ERBB4: variants seen among roughly 807,000 people sequenced by gnomAD.
The protein encoded by ERBB4 is erb-b2 receptor tyrosine kinase 4.
In ERBB4, 42 loss-of-function variants were observed where a neutral mutation model predicts 158.0. That is an observed-to-expected ratio of 0.27 (90% CI 0.21 to 0.34). The LOEUF (loss-of-function observed/expected upper bound fraction) is 0.34. ERBB4 is among the 10% of genes least tolerant of loss of function. The pLI, the probability that ERBB4 is intolerant of heterozygous loss-of-function variation, is 1.00. For synonymous variants in ERBB4, 583 were observed against 558.7 expected (o/e 1.04, Z -0.61); for missense variants, 1,333 against 1,624.1 (o/e 0.82, Z 3.08).
rs1335942000 is a variant in ERBB4 at position 211,940,939 on chromosome 2, CA to C, written c.421+6490del. ...TCCCAGCAAAATTTGCTGAAATGGC[CA>C]TTATAATCTCTGATCCCTTAATTAT... On this transcript the variant is annotated intron_variant, in intron 3 of 27. Coordinates refer to ENST00000342788, the MANE Select transcript of ERBB4 (RefSeq NM_005235.3). 5.3e-5 allele frequency among the ~76,000 whole-genome samples: 8 copies of C among 152,236 alleles called. No homozygotes were observed. In the East Asian group the frequency reaches 1.4e-3, roughly 26 times the overall value.
At chr2:212,428,996 G>A (rs1032242127) in intron 1 of ERBB4, among the ~76,000 whole-genome samples, 4 of 152,132 alleles carry the variant, frequency 2.6e-5, no homozygotes, top group Non-Finnish European at 4.4e-5. Flanking sequence ...ATAATTTAAA[G>A]AATGTTAATA....
intron 2 of ERBB4, among the ~76,000 whole-genome samples, chr2:211,964,105 TGGGAAGG>T (rs910228789): frequency 1.3e-5 from 2 of 152,132 alleles, no homozygotes; most frequent in Non-Finnish European, 2.9e-5. Flanking sequence ...ACCTTTCTCT[TGGGAAGG>T]GATTTATCAA....
intron 1 of ERBB4, among the ~76,000 whole-genome samples, chr2:212,316,659 G>T (rs547884618): frequency 6.6e-6 from 1 of 151,590 alleles, no homozygotes; most frequent in South Asian, 2.1e-4. Flanking sequence ...GAGCGAAATT[G>T]CTTGTTTAGA....
intron 18 of ERBB4, among the ~76,000 whole-genome samples, chr2:211,620,807 C>G (rs1387409846): frequency 6.6e-6 from 1 of 151,928 alleles, no homozygotes; most frequent in African/African-American, 2.4e-5. Flanking sequence ...TAAAGTATCC[C>G]TAAAGTGTAG....
At chr2:212,170,662 C>T (rs1220555113) in intron 1 of ERBB4, among the ~76,000 whole-genome samples, 1 of 152,096 alleles carries the variant, frequency 6.6e-6, no homozygotes, top group Non-Finnish European at 1.5e-5. Flanking sequence ...GCCCTGTGTC[C>T]CAGCTATGGT....
At chr2:212,286,821 C>T (rs1341716058) in intron 1 of ERBB4, among the ~76,000 whole-genome samples, 2 of 133,728 alleles carry the variant, frequency 1.5e-5, no homozygotes, top group Non-Finnish European at 3.1e-5. Flanking sequence ...ATGTTGCCCA[C>T]GCTGTTCCCC....
Position 211,605,809 on chromosome 2 carries a change from A to C in ERBB4, c.2301+13368T>G, listed in dbSNP as rs573695737. 7.2e-5 allele frequency among the ~76,000 whole-genome samples: 11 copies of C among 152,200 alleles called. No homozygotes were observed. In the East Asian group the frequency reaches 1.9e-3, roughly 27 times the overall value. On this transcript the variant is annotated intron_variant, in intron 19 of 27. Transcript: ENST00000342788. ...GAATCATTTTTTTAACATCCTAAACAACCTAGGAGCAGTTACTTATTAATT... is the reference window on the plus strand; with the variant it reads ...GAATCATTTTTTTAACATCCTAAACCACCTAGGAGCAGTTACTTATTAATT...
intron 2 of ERBB4, among the ~76,000 whole-genome samples, chr2:212,025,971 T>C (rs1256171458): frequency 6.6e-6 from 1 of 151,700 alleles, no homozygotes. Flanking sequence ...TTTGTCAGAG[T>C]GGGATGAGAG....
intron 1 of ERBB4, among the ~76,000 whole-genome samples, chr2:212,174,298 G>T (rs963924717): frequency 4.2e-4 from 64 of 151,998 alleles, no homozygotes; most frequent in Non-Finnish European, 1.6e-4. Context: ...TTAAATATGT[G>T]CAGTCATCAA....
At chr2:212,397,317 A>T (rs1040019644) in intron 1 of ERBB4, among the ~76,000 whole-genome samples, 1 of 152,032 alleles carries the variant, frequency 6.6e-6, no homozygotes, top group Non-Finnish European at 1.5e-5. Context: ...TCTACAAAAA[A>T]TACAAAACAG....
chr2:211,966,892 T>C (rs2081324857), intron 2 of ERBB4, among the ~76,000 whole-genome samples: 1 of 152,158 alleles, frequency 6.6e-6, no homozygotes, highest in Admixed American at 6.6e-5. Flanking sequence ...TATAATTTTA[T>C]CTACTTCACA....
At chr2:211,401,330 C>T (rs570516816) in intron 25 of ERBB4, among the ~76,000 whole-genome samples, 9 of 151,798 alleles carry the variant, frequency 5.9e-5, no homozygotes, top group South Asian at 4.2e-4. Context: ...GTCAATGGAA[C>T]GCAAACATTA....
intron 9 of ERBB4, among the ~76,000 whole-genome samples, chr2:211,709,782 A>G (rs1253903053): frequency 1.3e-5 from 2 of 152,250 alleles, no homozygotes; most frequent in Admixed American, 6.5e-5. Flanking sequence ...TGTTGCTCCA[A>G]TTTCACTTGA....
chr2:212,054,789 G>A (rs1424551729), intron 2 of ERBB4, among the ~76,000 whole-genome samples: 1 of 152,162 alleles, frequency 6.6e-6, no homozygotes, highest in East Asian at 1.9e-4. Context: ...TATTACCTTA[G>A]AATAAGGATG....
chr2:212,056,737 T>G (rs1450725077), intron 2 of ERBB4, among the ~76,000 whole-genome samples: 1 of 152,182 alleles, frequency 6.6e-6, no homozygotes, highest in Admixed American at 6.5e-5. Context: ...CTGAGAGATT[T>G]TGTCACCACT....
At chr2:212,421,792 T>C (rs1183478017) in intron 1 of ERBB4, among the ~76,000 whole-genome samples, 2 of 152,166 alleles carry the variant, frequency 1.3e-5, no homozygotes. Flanking sequence ...ATTGCATAGC[T>C]CTGGATAATA....
chr2:212,286,081 T>G (rs959305037), intron 1 of ERBB4, among the ~76,000 whole-genome samples: 3 of 152,144 alleles, frequency 2.0e-5, no homozygotes, highest in African/African-American at 7.2e-5. Context: ...CTCCCTTGAG[T>G]GTCTCCTCAT....
intron 2 of ERBB4, among the ~76,000 whole-genome samples, chr2:212,110,284 G>A (rs1300281728): frequency 2.0e-5 from 3 of 152,122 alleles, no homozygotes; most frequent in Non-Finnish European, 4.4e-5. Flanking sequence ...TGTGCTTGTG[G>A]CTTCCTCTCA....
At chr2:211,687,048 C>T (rs1422053082) in intron 12 of ERBB4, among the ~76,000 whole-genome samples, 1 of 151,890 alleles carries the variant, frequency 6.6e-6, no homozygotes, top group Non-Finnish European at 1.5e-5. Context: ...GTAATCCCAG[C>T]ACTTTGGGAG....
Sources: gnomAD v4.1 joint callset for allele counts (sites outside exome capture counted in the v4.1 genomes callset) on GRCh38, gnomAD v4.1.1 for gene constraint, MANE v1.5 for transcripts, NCBI Gene and HGNC (gene_info 2026-07-23, HGNC 2026-07-21) for gene names.